Variants in GXYLT2 observed in about 807,000 individuals in gnomAD.
The protein encoded by GXYLT2 is glycosyltransferase 8 domain containing 4.
Under a neutral mutation model 45.8 loss-of-function variants are expected in GXYLT2, and 53 were observed. That is an observed-to-expected ratio of 1.16 (90% confidence interval 0.93 to 1.46). GXYLT2 has a LOEUF of 1.46. Among genes scored for constraint, GXYLT2 ranks in the 40% most tolerant of loss-of-function variants. The pLI is 0.00. For synonymous variants in GXYLT2, 219 were observed against 214.2 expected (o/e 1.02, Z -0.19); for missense variants, 551 against 544.4 (o/e 1.01, Z -0.12).
chr3:72,932,949 A>G (rs980338073), intron 3 of GXYLT2, among the ~76,000 whole-genome samples: 5 of 152,348 alleles, frequency 3.3e-5, no homozygotes, highest in Admixed American at 3.3e-4. Context: ...TTGTAACCAG[A>G]AGAAATAATT....
rs573955592 is a variant in GXYLT2, at chr3:72,949,616, A to G, written c.601-5482A>G. On this transcript the variant is annotated intron_variant, in intron 3 of 6. Coordinates refer to ENST00000389617, the MANE Select transcript of GXYLT2 (RefSeq NM_001080393.2). The stretch of plus-strand genomic sequence containing the variant: ...AACCTCCGCCTCCCGGGTTCAGGCG[A>G]TTCTCCTGCCTCAGCCTCCGGAGTA... 2.1e-4 allele frequency among the ~76,000 whole-genome samples: 28 copies of G among 131,316 alleles called. No individual in the cohort carries two copies. In the East Asian group the frequency reaches 6.7e-3, roughly 32 times the overall value. The allele number at this position is 131,316 out of a possible 152,430, so 86.1% of individuals were successfully genotyped here. A position where few individuals can be genotyped will look rare whatever the true frequency, so the allele number is the denominator to read the frequency against.
At chr3:72,889,774 G>A (rs1709141995) in intron 1 of GXYLT2, among the ~76,000 whole-genome samples, 1 of 152,006 alleles carries the variant, frequency 6.6e-6, no homozygotes, top group Admixed American at 6.6e-5. Flanking sequence ...CCTTAACATC[G>A]CTAACCTATT....
At chr3:72,916,482 C>G (rs72880215) in intron 2 of GXYLT2, among the ~76,000 whole-genome samples, 25,773 of 151,420 alleles carry the variant, frequency 0.17, 3,174 homozygotes, top group African/African-American at 0.35. Context: ...GTCACCACAC[C>G]TGGCCATAAA....
At chr3:72,904,076 C>T (rs1051408301) in intron 1 of GXYLT2, among the ~76,000 whole-genome samples, 3 of 152,242 alleles carry the variant, frequency 2.0e-5, no homozygotes, top group South Asian at 2.1e-4. Flanking sequence ...CCTGCCTTAG[C>T]AACAGGTCCT....
chr3:72,943,018 T>A (rs1389586005), intron 3 of GXYLT2, among the ~76,000 whole-genome samples: 2 of 152,218 alleles, frequency 1.3e-5, no homozygotes, highest in South Asian at 2.1e-4. Context: ...TCTGAACTTT[T>A]TACACCTCTT....
intron 2 of GXYLT2, among the ~76,000 whole-genome samples, chr3:72,917,748 G>A (rs549693022): frequency 2.5e-3 from 362 of 143,818 alleles, no homozygotes; most frequent in African/African-American, 9.0e-3. Context: ...ACAGAGTGAG[G>A]CCCCATCTCA....
At chr3:72,907,352 C>T (rs556054395) in intron 1 of GXYLT2, among the ~76,000 whole-genome samples, 1 of 152,178 alleles carries the variant, frequency 6.6e-6, no homozygotes, top group Non-Finnish European at 1.5e-5. Context: ...ATTATTCAAC[C>T]ATGCAGTGAA....
At chr3:72,929,036 G>T in intron 3 of GXYLT2, 1 of 1,528,746 alleles carries the variant, frequency 6.5e-7, no homozygotes, top group Non-Finnish European at 8.9e-7. Context: ...CTCCTTAGCC[G>T]CCGCCGTGAC....
At chr3:72,949,485 ATTCT>A (rs1168568538) in intron 3 of GXYLT2, among the ~76,000 whole-genome samples, 8 of 120,704 alleles carry the variant, frequency 6.6e-5, no homozygotes, top group South Asian at 5.4e-4. Context: ...AATATGTATC[ATTCT>A]TTCTTTCTTT....
At chr3:72,891,560 A>T (rs1306519858) in intron 1 of GXYLT2, among the ~76,000 whole-genome samples, 1 of 152,054 alleles carries the variant, frequency 6.6e-6, no homozygotes, top group Non-Finnish European at 1.5e-5. Context: ...TCAAGGGGGG[A>T]TTTGAAAATG....
chr3:72,893,082 C>T (rs535448064), intron 1 of GXYLT2, among the ~76,000 whole-genome samples: 1 of 152,142 alleles, frequency 6.6e-6, no homozygotes, highest in African/African-American at 2.4e-5. Context: ...TCCTTACGGC[C>T]GCTTCAATAA....
intron 3 of GXYLT2, among the ~76,000 whole-genome samples, chr3:72,934,951 C>T (rs2107118081): frequency 6.6e-6 from 1 of 152,148 alleles, no homozygotes; most frequent in East Asian, 1.9e-4. Context: ...GATCTTCCTC[C>T]AATGATGTGC....
chr3:72,911,523 G>A (rs1186772493), intron 2 of GXYLT2, among the ~76,000 whole-genome samples: 1 of 152,114 alleles, frequency 6.6e-6, no homozygotes, highest in African/African-American at 2.4e-5. Flanking sequence ...CTTCCATCTC[G>A]GATCAGTGGG....
intron 4 of GXYLT2, 111 bp downstream of exon 4, chr3:72,955,460 T>G (rs1710622909): frequency 1.1e-6 from 1 of 952,178 alleles, no homozygotes; most frequent in Admixed American, 2.6e-5. Context: ...GGCCTATAGG[T>G]GAGGATAAAA....
chr3:72,968,350 A>G (rs1710909319), intron 6 of GXYLT2, among the ~76,000 whole-genome samples: 1 of 152,228 alleles, frequency 6.6e-6, no homozygotes, highest in Non-Finnish European at 1.5e-5. Flanking sequence ...AAGATTAGAC[A>G]ATAAAAAGAA....
At chr3:72,968,416 T>C (rs1284938248) in intron 6 of GXYLT2, among the ~76,000 whole-genome samples, 2 of 152,208 alleles carry the variant, frequency 1.3e-5, no homozygotes, top group East Asian at 3.9e-4. Flanking sequence ...CTCCAATCTG[T>C]TACTCAATCA....
chr3:72,958,667 T>C (rs1710699650), intron 5 of GXYLT2, among the ~76,000 whole-genome samples: 1 of 146,016 alleles, frequency 6.8e-6, no homozygotes, highest in Non-Finnish European at 1.5e-5. Context: ...AGTCTGGCTC[T>C]GTCGCCCAGG....
chr3:72,908,300 C>A, intron 1 of GXYLT2, 67 bp from the exon 2 acceptor site: 1 of 1,153,150 alleles, frequency 8.7e-7, no homozygotes, highest in Non-Finnish European at 1.2e-6. Flanking sequence ...CATTCACTCG[C>A]CGGTTTTTTG....
chr3:72,925,026 C>CT (rs1164355012), intron 3 of GXYLT2, among the ~76,000 whole-genome samples: 1 of 152,114 alleles, frequency 6.6e-6, no homozygotes, highest in Non-Finnish European at 1.5e-5. Flanking sequence ...TCTGGAAACA[C>CT]TAACTGGGGA....
Sources: allele counts gnomAD v4.1 joint callset (sites outside exome capture counted in the v4.1 genomes callset), GRCh38; gene constraint gnomAD v4.1.1; transcripts MANE v1.5; gene names NCBI Gene and HGNC (gene_info 2026-07-23, HGNC 2026-07-21).